KCNH1: variants seen among roughly 807,000 people sequenced by gnomAD.
KCNH1 encodes voltage-gated delayed rectifier potassium channel KCNH1.
KCNH1 carries 27 observed loss-of-function variants against 69.2 expected under a neutral mutation model. The ratio of observed to expected loss-of-function variants is 0.39; its 90% CI spans 0.29 to 0.54. The LOEUF (loss-of-function observed/expected upper bound fraction) is 0.54, where lower values mean the gene tolerates loss of function less well. Among genes scored for constraint, KCNH1 ranks in the 20% least tolerant of loss-of-function variants. The pLI is 0.68. For synonymous variants in KCNH1, 456 were observed against 487.7 expected (o/e 0.93, Z 0.86); for missense variants, 798 against 1,261.6 (o/e 0.63, Z 5.57).
chr1:210,708,665 A>C (rs1681974445), intron 10 of KCNH1, among the ~76,000 whole-genome samples: 1 of 152,076 alleles, frequency 6.6e-6, no homozygotes, highest in South Asian at 2.1e-4. Context: ...TTCAGGCACA[A>C]GTACTGAGCC....
chr1:210,798,239 T>C (rs983297628), intron 8 of KCNH1, among the ~76,000 whole-genome samples: 8 of 151,964 alleles, frequency 5.3e-5, no homozygotes, highest in Non-Finnish European at 8.8e-5. Flanking sequence ...AGGGGTTTCA[T>C]CATGTTAGCC....
At position 210,788,695 on chromosome 1, in the gene KCNH1, T is replaced by C. The variant is rs1281550983; in HGVS notation, c.1915+8813A>G. Among the ~76,000 whole-genome samples, 45 of 89,312 alleles carry C rather than the reference T, an allele frequency of 5.0e-4. 1 individual carries two copies. The highest frequency in any genetic ancestry group is 4.7e-3 in the Middle Eastern group (1 of 212). 58.6% of individuals were successfully genotyped at this position (89,312 alleles called of 152,430 possible). A position where few individuals can be genotyped will look rare whatever the true frequency, so the allele number is the denominator to read the frequency against. On this transcript the variant is annotated intron_variant, in intron 9 of 10. Coordinates refer to ENST00000271751, the MANE Select transcript of KCNH1 (RefSeq NM_172362.3). ...TATTATAGCTTCTTTCTTTTTTTTT[T>C]TTTTTTTTTTTTTTTTTTTGAGACG...
At chr1:210,800,302 C>T (rs1179484596) in intron 8 of KCNH1, among the ~76,000 whole-genome samples, 1 of 152,198 alleles carries the variant, frequency 6.6e-6, no homozygotes, top group Non-Finnish European at 1.5e-5. Context: ...TAATTTAGGT[C>T]CTCTGCTCTC....
intron 7 of KCNH1, among the ~76,000 whole-genome samples, chr1:210,840,842 A>G (rs1362928729): frequency 6.6e-6 from 1 of 152,134 alleles, no homozygotes; most frequent in Non-Finnish European, 1.5e-5. Flanking sequence ...AACAAATCAC[A>G]AGCTCACCAA....
intron 6 of KCNH1, among the ~76,000 whole-genome samples, chr1:211,002,018 G>C (rs902753178): frequency 4.6e-5 from 7 of 151,322 alleles, no homozygotes; most frequent in Admixed American, 2.6e-4. Flanking sequence ...GTTGTGGGGT[G>C]GGGGGAGTGG....
chr1:211,112,235 C>T (rs1408858194), intron 1 of KCNH1, among the ~76,000 whole-genome samples: 4 of 151,272 alleles, frequency 2.6e-5, no homozygotes, highest in African/African-American at 9.7e-5. Flanking sequence ...CCTAACCTGG[C>T]CGCTGCACTG....
At chr1:210,863,586 AT>A (rs1333502163) in intron 7 of KCNH1, among the ~76,000 whole-genome samples, 1 of 152,172 alleles carries the variant, frequency 6.6e-6, no homozygotes, top group East Asian at 1.9e-4. Context: ...CAGATGACAG[AT>A]TTTATGGAAT....
At chr1:210,741,356 C>T (rs987777721) in intron 10 of KCNH1, among the ~76,000 whole-genome samples, 11 of 152,124 alleles carry the variant, frequency 7.2e-5, no homozygotes, top group Admixed American at 2.0e-4. Flanking sequence ...GCAAGAGAAT[C>T]CCCAAAGGCA....
chr1:211,115,709 A>G (rs1166657953), intron 1 of KCNH1, among the ~76,000 whole-genome samples: 2 of 79,648 alleles, frequency 2.5e-5, no homozygotes, highest in Admixed American at 2.8e-4. Flanking sequence ...CCCTATATAT[A>G]TATATATGTA....
At chr1:210,853,932 G>T in intron 7 of KCNH1, among the ~76,000 whole-genome samples, 1 of 67,422 alleles carries the variant, frequency 1.5e-5, no homozygotes, top group African/African-American at 7.2e-5. Context: ...AGCAGTAAAA[G>T]CATTTATCTA....
chr1:210,805,881 G>A (rs572533150), intron 7 of KCNH1, among the ~76,000 whole-genome samples: 1 of 152,204 alleles, frequency 6.6e-6, no homozygotes, highest in South Asian at 2.1e-4. Flanking sequence ...ATGTTTTCCA[G>A]CTTCACCCCA....
At position 210,971,853 on chromosome 1, in the gene KCNH1, C is replaced by A. The variant is rs192384334; in HGVS notation, c.1032+46930G>T. On this transcript the variant is annotated intron_variant, in intron 6 of 10. Coordinates refer to ENST00000271751, the MANE Select transcript of KCNH1 (RefSeq NM_172362.3). Reference sequence around the variant, plus strand: ...TTCATACTTAAAGATATATATACTTCATACTTAAAGAAGCTTTTAAAATGT... The same window carrying A: ...TTCATACTTAAAGATATATATACTTAATACTTAAAGAAGCTTTTAAAATGT... Among the ~76,000 whole-genome samples, 87 of 152,112 alleles carry A rather than the reference C, an allele frequency of 5.7e-4. No individual in the cohort carries two copies. The East Asian group carries it at 0.011, about 20-fold the overall frequency.
chr1:211,018,674 G>T, intron 6 of KCNH1, 109 bp downstream of exon 6: 1 of 886,172 alleles, frequency 1.1e-6, no homozygotes, highest in Non-Finnish European at 1.8e-6. Context: ...CTCTGTTCTG[G>T]ACATCAGTCA....
chr1:210,896,575 C>A (rs1462901426), intron 7 of KCNH1, among the ~76,000 whole-genome samples: 1 of 152,136 alleles, frequency 6.6e-6, no homozygotes, highest in Non-Finnish European at 1.5e-5. Context: ...GGACCCTAGA[C>A]CCTCAGCTAA....
At chr1:211,078,587 C>T (rs1425354599) in intron 5 of KCNH1, among the ~76,000 whole-genome samples, 10 of 152,260 alleles carry the variant, frequency 6.6e-5, no homozygotes, top group South Asian at 2.1e-4. Context: ...AAAGACACAA[C>T]GTACCAGAAT....
At chr1:210,789,187 G>C (rs573124629) in intron 9 of KCNH1, among the ~76,000 whole-genome samples, 164 of 152,280 alleles carry the variant, frequency 1.1e-3, no homozygotes, top group African/African-American at 3.8e-3. Flanking sequence ...TCAAGTCCCT[G>C]GAGCAATGAG....
intron 1 of KCNH1, among the ~76,000 whole-genome samples, chr1:211,121,861 C>T (rs374295343): frequency 3.3e-5 from 5 of 152,240 alleles, no homozygotes; most frequent in African/African-American, 9.6e-5. Context: ...CCCGGCCAGG[C>T]GTGGTAGCTC....
At chr1:210,895,442 C>T (rs533587975) in intron 7 of KCNH1, among the ~76,000 whole-genome samples, 1 of 152,144 alleles carries the variant, frequency 6.6e-6, no homozygotes, top group African/African-American at 2.4e-5. Flanking sequence ...AAGAGTGGTC[C>T]ATTGGATATT....
intron 10 of KCNH1, among the ~76,000 whole-genome samples, chr1:210,719,762 A>T (rs1682408423): frequency 6.6e-6 from 1 of 152,220 alleles, no homozygotes; most frequent in African/African-American, 2.4e-5. Flanking sequence ...GTGGAATAAG[A>T]TGAATAATTT....
Sources: allele counts gnomAD v4.1 joint callset (sites outside exome capture counted in the v4.1 genomes callset), GRCh38; gene constraint gnomAD v4.1.1; transcripts MANE v1.5; gene names NCBI Gene and HGNC (gene_info 2026-07-23, HGNC 2026-07-21).